The following RPS6KA5 variants were observed in gnomAD, a reference collection of about 807,000 sequenced individuals.
RPS6KA5 encodes ribosomal protein S6 kinase A5.
RPS6KA5 carries 27 observed loss-of-function variants against 85.5 expected under a neutral mutation model. That is an observed-to-expected ratio of 0.32 (90% CI 0.23 to 0.44). RPS6KA5 has a LOEUF of 0.44. RPS6KA5 is among the 20% of genes least tolerant of loss of function. The probability of loss-of-function intolerance (pLI) is 1.00; values close to 1 mark genes in which losing one functional copy is unlikely to be tolerated. For synonymous variants in RPS6KA5, 334 were observed against 348.2 expected (o/e 0.96, Z 0.46); for missense variants, 811 against 980.9 (o/e 0.83, Z 2.31).
intron 1 of RPS6KA5, among the ~76,000 whole-genome samples, chr14:91,034,635 C>A (rs1390924684): frequency 6.6e-6 from 1 of 152,188 alleles, no homozygotes; most frequent in Non-Finnish European, 1.5e-5. Context: ...GGAATAAAAG[C>A]CAGCCACCCC....
intron 11 of RPS6KA5, among the ~76,000 whole-genome samples, chr14:90,899,714 T>G (rs1212578818): frequency 6.6e-6 from 1 of 152,176 alleles, no homozygotes; most frequent in Non-Finnish European, 1.5e-5. Context: ...ATAATAATCA[T>G]CAGTTACCAA....
At chr14:91,036,860 C>T (rs1439720701) in intron 1 of RPS6KA5, among the ~76,000 whole-genome samples, 1 of 152,194 alleles carries the variant, frequency 6.6e-6, no homozygotes. Flanking sequence ...TGCCTGTATG[C>T]TCTCTCACCT....
At chr14:90,894,733 G>T in intron 12 of RPS6KA5, 150 bp from the exon 13 acceptor site, 4 of 998,314 alleles carry the variant, frequency 4.0e-6, no homozygotes. Context: ...TAGAGAAAAG[G>T]GCTGAAAGAT....
intron 14 of RPS6KA5, among the ~76,000 whole-genome samples, chr14:90,876,764 C>A (rs1161661428): frequency 6.6e-6 from 1 of 152,156 alleles, no homozygotes; most frequent in Non-Finnish European, 1.5e-5. Context: ...GCGTGCTCAT[C>A]CTGGCACTTA....
At chr14:91,007,297 A>G (rs1333093799) in intron 1 of RPS6KA5, among the ~76,000 whole-genome samples, 1 of 152,222 alleles carries the variant, frequency 6.6e-6, no homozygotes, top group Non-Finnish European at 1.5e-5. Context: ...GTATCAACAA[A>G]CTAAAAACTT....
At position 90,942,713 on chromosome 14, in the gene RPS6KA5, T is replaced by C. The variant is rs751602132; in HGVS notation, c.618+365A>G. ...TACTTTGTTACCACAATGTAAACTGTATGTACTTTGCTTTATGATTCTTTA... is the reference window on the plus strand; with the variant it reads ...TACTTTGTTACCACAATGTAAACTGCATGTACTTTGCTTTATGATTCTTTA... On this transcript the variant is annotated intron_variant, in intron 5 of 16. Coordinates refer to ENST00000614987, the MANE Select transcript of RPS6KA5 (RefSeq NM_004755.4). 2.1e-4 allele frequency among the ~76,000 whole-genome samples: 32 copies of C among 152,338 alleles called. 1 individual carries two copies. In the Middle Eastern group the frequency reaches 0.014, roughly 65 times the overall value.
intron 5 of RPS6KA5, among the ~76,000 whole-genome samples, chr14:90,938,164 A>G (rs1364836861): frequency 6.6e-6 from 1 of 152,228 alleles, no homozygotes; most frequent in Admixed American, 6.5e-5. Flanking sequence ...TACAGGTCCC[A>G]TGCAAGTCCA....
At chr14:91,021,597 G>C (rs538610436) in intron 1 of RPS6KA5, among the ~76,000 whole-genome samples, 1 of 152,156 alleles carries the variant, frequency 6.6e-6, no homozygotes, top group Non-Finnish European at 1.5e-5. Context: ...ATTTTTAGTA[G>C]AGACAGGGAT....
chr14:90,948,700 A>C (rs2038010255), intron 3 of RPS6KA5, among the ~76,000 whole-genome samples: 1 of 151,630 alleles, frequency 6.6e-6, no homozygotes, highest in Non-Finnish European at 1.5e-5. Flanking sequence ...GTCTCAAAAA[A>C]AAAAACAAAA....
intron 2 of RPS6KA5, among the ~76,000 whole-genome samples, chr14:90,982,338 T>C (rs1202684822): frequency 6.6e-6 from 1 of 151,794 alleles, no homozygotes; most frequent in East Asian, 1.9e-4. Flanking sequence ...GGCTCATGCC[T>C]GTAATGCCAA....
At chr14:90,905,195 C>T (rs2035434357) in intron 8 of RPS6KA5, among the ~76,000 whole-genome samples, 1 of 151,856 alleles carries the variant, frequency 6.6e-6, no homozygotes, top group Non-Finnish European at 1.5e-5. Flanking sequence ...GCAGAGATAA[C>T]TCATTTCTAA....
chr14:90,984,179 C>T (rs1370081725), intron 2 of RPS6KA5, among the ~76,000 whole-genome samples: 1 of 152,188 alleles, frequency 6.6e-6, no homozygotes, highest in Non-Finnish European at 1.5e-5. Flanking sequence ...TTCCAGAGGA[C>T]TAGTCCTGCA....
chr14:90,908,526 T>TA (rs2035634887), intron 7 of RPS6KA5, among the ~76,000 whole-genome samples: 1 of 152,060 alleles, frequency 6.6e-6, no homozygotes, highest in Admixed American at 6.5e-5. Flanking sequence ...GTTGTCTTGG[T>TA]AAACGGAGTG....
chr14:91,036,532 G>A (rs2042419128), intron 1 of RPS6KA5, among the ~76,000 whole-genome samples: 2 of 152,172 alleles, frequency 1.3e-5, no homozygotes, highest in African/African-American at 4.8e-5. Flanking sequence ...GTATGAGCCT[G>A]GGTTCTTCCC....
intron 1 of RPS6KA5, among the ~76,000 whole-genome samples, chr14:91,036,783 T>C (rs1319317081): frequency 2.6e-5 from 4 of 152,216 alleles, no homozygotes; most frequent in Non-Finnish European, 5.9e-5. Context: ...CTCTACTGGC[T>C]CCTGCCCCCT....
At chr14:90,987,830 C>T (rs1217086393) in intron 2 of RPS6KA5, among the ~76,000 whole-genome samples, 1 of 152,136 alleles carries the variant, frequency 6.6e-6, no homozygotes, top group East Asian at 1.9e-4. Flanking sequence ...ATAAGCAAGG[C>T]CCTCTGAATT....
intron 1 of RPS6KA5, among the ~76,000 whole-genome samples, chr14:91,057,479 GTCTAATCTGTATTAGACTGTAA>G (rs2043370364): frequency 6.9e-6 from 1 of 144,724 alleles, no homozygotes; most frequent in African/African-American, 2.4e-5. Flanking sequence ...GGACCTTACA[GTCTAATCTGTATTAGACTGTAA>G]TACAAGTAAA....
intron 1 of RPS6KA5, among the ~76,000 whole-genome samples, chr14:91,020,218 CGTGT>C (rs1294164624): frequency 2.2e-5 from 3 of 134,236 alleles, no homozygotes; most frequent in South Asian, 2.5e-4. Flanking sequence ...TGCATGTACA[CGTGT>C]GTGTGTATGG....
chr14:91,030,106 C>G (rs1378642090), intron 1 of RPS6KA5, among the ~76,000 whole-genome samples: 1 of 152,090 alleles, frequency 6.6e-6, no homozygotes, highest in African/African-American at 2.4e-5. Context: ...CAAAAGGCTC[C>G]AAATTATAGA....
Sources: gnomAD v4.1 joint callset for allele counts (sites outside exome capture counted in the v4.1 genomes callset) on GRCh38, gnomAD v4.1.1 for gene constraint, MANE v1.5 for transcripts, NCBI Gene and HGNC (gene_info 2026-07-23, HGNC 2026-07-21) for gene names.